GRAMD1C: variants seen among roughly 807,000 people sequenced by gnomAD.
GRAMD1C encodes the protein GRAM domain containing 1C, also known as protein Aster-C.
In GRAMD1C, 89 loss-of-function variants were observed where a neutral mutation model predicts 97.8. The ratio of observed to expected loss-of-function variants is 0.91; its 90% confidence interval spans 0.77 to 1.09. GRAMD1C has a LOEUF of 1.09. GRAMD1C is among the 50% of genes least tolerant of loss of function. The probability of loss-of-function intolerance (pLI) is 0.00; values close to 1 mark genes in which losing one functional copy is unlikely to be tolerated. For missense variants in GRAMD1C, 740 were observed against 766.4 expected (o/e 0.97, Z 0.41); for synonymous variants, 256 against 267.0 (o/e 0.96, Z 0.40).
intron 8 of GRAMD1C, among the ~76,000 whole-genome samples, chr3:113,908,545 G>T (rs1374704242): frequency 6.6e-6 from 1 of 152,052 alleles, no homozygotes; most frequent in Admixed American, 6.6e-5. Flanking sequence ...TGAGAGATGG[G>T]TGAGTTTTCT....
At chr3:113,876,332 G>T in intron 5 of GRAMD1C, 72 bp downstream of exon 5, 2 of 760,148 alleles carry the variant, frequency 2.6e-6, no homozygotes, top group Non-Finnish European at 4.6e-6. Flanking sequence ...CATCAATGTT[G>T]GGAAATTAGG....
intron 10 of GRAMD1C, among the ~76,000 whole-genome samples, chr3:113,929,554 C>T (rs7612534): frequency 0.045 from 6,825 of 152,228 alleles, 425 homozygotes; most frequent in African/African-American, 0.14. Context: ...TAACAACAGA[C>T]TGGTTGTATC....
In GRAMD1C at chr3:113,882,836, A is replaced by G. The variant is rs751330821; in HGVS notation, c.540+4A>G. On this transcript the variant is annotated splice_donor_region_variant and intron_variant, in intron 6 of 17. Coordinates refer to ENST00000358160, the MANE Select transcript of GRAMD1C (RefSeq NM_017577.5). ...GCAGAATGTATTATTAGATAAGGTA[A>G]GTGTTCATACCAGAGGCAGTTGCTT... is the stretch of plus-strand genomic sequence containing the variant. The G allele has an allele frequency of 6.9e-7, 1 of 1,448,420 alleles. No homozygotes were observed. 89.7% of individuals were successfully genotyped at this position (1,448,420 alleles called of 1,614,324 possible).
intron 2 of GRAMD1C, among the ~76,000 whole-genome samples, chr3:113,849,585 A>G (rs900242799): frequency 3.9e-5 from 6 of 152,172 alleles, no homozygotes; most frequent in Admixed American, 2.0e-4. Context: ...GACACAGCAC[A>G]TGTTTCAGAG....
At chr3:113,883,568 A>T (rs1005301837) in intron 6 of GRAMD1C, among the ~76,000 whole-genome samples, 1 of 151,922 alleles carries the variant, frequency 6.6e-6, no homozygotes, top group African/African-American at 2.4e-5. Context: ...TCCATCTTAT[A>T]TGCTGTATAT....
In GRAMD1C at chr3:113,915,748, A is replaced by G; in HGVS notation, c.1000A>G (p.Ile334Val). The G allele has an allele frequency of 6.2e-7, 1 of 1,609,862 alleles. No homozygotes were observed. ...TCATGGAAGACTTTTTATCAACCGT[A>G]TTTTTCATATCAGTGCTGACAGAAT... is the stretch of plus-strand genomic sequence containing the variant. ...DLHGRLFINR[I>V]FHISADRMFE... Residue 334 changes from isoleucine (I) to valine (V), a missense_variant, in exon 10 of 18, where the codon ATT becomes GTT. Ile to Val is a conservative substitution (Grantham distance 29, BLOSUM62 3). Coordinates refer to ENST00000358160, the MANE Select transcript of GRAMD1C (RefSeq NM_017577.5).
intron 1 of GRAMD1C, among the ~76,000 whole-genome samples, chr3:113,831,159 C>G (rs1709552360): frequency 6.6e-6 from 1 of 152,146 alleles, no homozygotes; most frequent in Admixed American, 6.5e-5. Flanking sequence ...CAAAGTTTTC[C>G]AGTTGTCCCA....
intron 7 of GRAMD1C, among the ~76,000 whole-genome samples, chr3:113,903,139 ATTTT>A (rs201449989): frequency 3.7e-5 from 5 of 135,814 alleles, no homozygotes; most frequent in African/African-American, 1.4e-4. Context: ...TAATTTTTGC[ATTTT>A]TTTTTTTTTT....
intron 2 of GRAMD1C, among the ~76,000 whole-genome samples, chr3:113,856,671 C>A (rs1232912157): frequency 5.9e-5 from 9 of 152,018 alleles, no homozygotes; most frequent in Non-Finnish European, 5.9e-5. Flanking sequence ...TCCTGAGTAG[C>A]TGGGATTACA....
At chr3:113,930,085 T>C (rs1482293083) in intron 10 of GRAMD1C, among the ~76,000 whole-genome samples, 1 of 152,230 alleles carries the variant, frequency 6.6e-6, no homozygotes, top group Non-Finnish European at 1.5e-5. Flanking sequence ...TTAATCACTA[T>C]ATTGTCCCTA....
intron 11 of GRAMD1C, among the ~76,000 whole-genome samples, chr3:113,931,382 A>G (rs996995895): frequency 7.4e-5 from 11 of 148,394 alleles, no homozygotes; most frequent in Non-Finnish European, 1.6e-4. Flanking sequence ...TTTTTTTGAG[A>G]CGGAGTCTCA....
At position 113,862,771 on chromosome 3, in the gene GRAMD1C, A is replaced by G. The variant is rs1366997812; in HGVS notation, c.175-6736A>G. On this transcript the variant is annotated intron_variant, in intron 2 of 17. Coordinates refer to ENST00000358160, the MANE Select transcript of GRAMD1C (RefSeq NM_017577.5). ...AGTAAAGACAGGTGTAAGAAATTAT[A>G]AAAGTATTAATTTGGGGAACTAATA... Among the ~76,000 whole-genome samples, 3 of 152,190 alleles carry G rather than the reference A, an allele frequency of 2.0e-5. 1 individual carries two copies. Among genetic ancestry groups the G allele is most frequent in the South Asian group, 4.1e-4 (2 of 4,830 alleles).
At chr3:113,862,309 G>C (rs1377558079) in intron 2 of GRAMD1C, among the ~76,000 whole-genome samples, 1 of 152,164 alleles carries the variant, frequency 6.6e-6, no homozygotes, top group East Asian at 1.9e-4. Context: ...AAAGAGAGCT[G>C]CTCCTAAAGC....
chr3:113,850,607 G>T, intron 2 of GRAMD1C: 2 of 1,607,722 alleles, frequency 1.2e-6, no homozygotes, highest in Non-Finnish European at 1.7e-6. Flanking sequence ...TGACATGAAG[G>T]TTGGGCACAT....
intron 7 of GRAMD1C, 35 bp from the exon 8 acceptor site, chr3:113,904,105 G>T: frequency 6.4e-7 from 1 of 1,566,916 alleles, no homozygotes; most frequent in South Asian, 1.1e-5. Context: ...GTGTGGAGGT[G>T]ACCTTATATT....
upstream of GRAMD1C, among the ~76,000 whole-genome samples, chr3:113,834,468 C>T (rs767654199): frequency 2.6e-5 from 4 of 151,958 alleles, no homozygotes; most frequent in African/African-American, 4.8e-5. Context: ...CATGAGCCAC[C>T]GCACCCAGCC....
intron 2 of GRAMD1C, among the ~76,000 whole-genome samples, chr3:113,852,775 A>T (rs527412840): frequency 6.6e-6 from 1 of 152,332 alleles, no homozygotes; most frequent in South Asian, 2.1e-4. Flanking sequence ...AAAACTCTTT[A>T]TAAAGCCTGA....
chr3:113,935,201 C>G (rs1216776483), intron 13 of GRAMD1C, among the ~76,000 whole-genome samples: 1 of 152,028 alleles, frequency 6.6e-6, no homozygotes, highest in Admixed American at 6.6e-5. Flanking sequence ...GGTTAAGTGA[C>G]TTTTATCAAG....
At chr3:113,909,142 T>G (rs1936474166) in intron 9 of GRAMD1C, 22 bp downstream of exon 9, 3 of 1,272,612 alleles carry the variant, frequency 2.4e-6, no homozygotes, top group African/African-American at 3.1e-5. Flanking sequence ...CTTATAAATT[T>G]TATTAAATTT....
Sources: gnomAD v4.1 joint callset for allele counts (sites outside exome capture counted in the v4.1 genomes callset) on GRCh38, gnomAD v4.1.1 for gene constraint, MANE v1.5 for transcripts, NCBI Gene and HGNC (gene_info 2026-07-23, HGNC 2026-07-21) for gene names.